EPHB2: variants seen among roughly 807,000 people sequenced by gnomAD.
EPHB2 encodes EPH receptor B2.
Under a neutral mutation model 96.4 loss-of-function variants are expected in EPHB2, and 18 were observed. That is an observed-to-expected ratio of 0.19 (90% CI 0.13 to 0.28). The LOEUF is 0.28. Among genes scored for constraint, EPHB2 ranks in the 10% least tolerant of loss-of-function variants. EPHB2 has a pLI of 1.00. For synonymous variants in EPHB2, 506 were observed against 534.1 expected, an observed-to-expected ratio of 0.95 and a Z score of 0.72; for missense variants, 989 against 1,355.4, an observed-to-expected ratio of 0.73 and a Z score of 4.25.
intron 1 of EPHB2, among the ~76,000 whole-genome samples, chr1:22,752,247 C>G (rs1197339056): frequency 6.6e-6 from 1 of 152,240 alleles, no homozygotes; most frequent in Non-Finnish European, 1.5e-5. Context: ...CCCATAATCC[C>G]AGCACTTTGG....
Position 22,912,702 on chromosome 1 carries a change from A to G in EPHB2, c.2852+103A>G. 6 of 1,563,162 alleles carry G rather than the reference A, an allele frequency of 3.8e-6. No homozygotes were observed. In the South Asian group the frequency reaches 4.5e-5, roughly 12 times the overall value. On this transcript the variant is annotated intron_variant, in intron 15 of 15. Coordinates refer to ENST00000374630, the MANE Select transcript of EPHB2 (RefSeq NM_017449.5). Reference sequence around the variant, plus strand: ...GAGGGTGAGGAATAGATCATGTCCCAATAGGGAAGCAGGGACCAAGGGGCA... The same window carrying G: ...GAGGGTGAGGAATAGATCATGTCCCGATAGGGAAGCAGGGACCAAGGGGCA...
rs2124120456 is a variant in EPHB2, at chr1:22,909,131, C to T, written c.2462C>T (p.Ser821Phe). Reference protein sequence around the residue: ...SYGIVMWEVMSYGERPYWDMT... With the variant: ...SYGIVMWEVMFYGERPYWDMT... ...GGCATTGTCATGTGGGAGGTGATGTCCTATGGGGAGCGGCCCTACTGGGAC... is the reference window on the plus strand; with the variant it reads ...GGCATTGTCATGTGGGAGGTGATGTTCTATGGGGAGCGGCCCTACTGGGAC... Residue 821 changes from serine (S) to phenylalanine (F), a missense_variant, in exon 13 of 16, where the codon TCC becomes TTC. Ser to Phe is a radical substitution (Grantham distance 155). Transcript: ENST00000374630. 6.2e-7 allele frequency: 1 copy of T among 1,614,206 alleles called. No homozygotes were observed. The highest frequency in any genetic ancestry group is 8.5e-7 in the Non-Finnish European group (1 of 1,180,034).
rs1553171703 is a variant in EPHB2 at position 22,863,034 on chromosome 1, C to T, written c.812-3C>T. On this transcript the variant is annotated splice_region_variant and splice_polypyrimidine_tract_variant and intron_variant, in intron 3 of 15. Transcript: ENST00000374630. ...TGGTGACTCTCCTTGTCTTCTCTCT[C>T]AGGTTGTCCATCTGGGACTTTCAAG... The T allele has an allele frequency of 6.2e-7, 1 of 1,614,214 alleles. No homozygotes were observed. Among genetic ancestry groups the T allele is most frequent in the Non-Finnish European group, 8.5e-7 (1 of 1,180,032 alleles).
intron 1 of EPHB2, 121 bp downstream of exon 1, chr1:22,711,164 A>T (rs1258261079): frequency 7.0e-6 from 1 of 143,542 alleles, no homozygotes; most frequent in Non-Finnish European, 1.5e-5. Flanking sequence ...CGCCGGGCGC[A>T]GGTGGCCGCG....
At position 22,882,739 on chromosome 1, in the gene EPHB2, T is replaced by G. The variant is rs1246990140; in HGVS notation, c.1428+256T>G. On this transcript the variant is annotated intron_variant, in intron 6 of 15. Coordinates refer to ENST00000374630, the MANE Select transcript of EPHB2 (RefSeq NM_017449.5). ...GATACACCCAGCAATCTCAGTGAAA[T>G]GCAACAGTCACATCCCTTTCCCTAC... 5 of 447,856 alleles carry G rather than the reference T, an allele frequency of 1.1e-5. No homozygotes were observed. In the Admixed American group the frequency reaches 1.4e-4, roughly 12 times the overall value. The allele number at this position is 447,856 out of a possible 1,614,324, so 27.7% of individuals were successfully genotyped here. A position where few individuals can be genotyped will look rare whatever the true frequency, so the allele number is the denominator to read the frequency against.
intron 1 of EPHB2, among the ~76,000 whole-genome samples, chr1:22,735,949 C>A (rs1643818273): frequency 6.6e-6 from 1 of 152,128 alleles, no homozygotes; most frequent in African/African-American, 2.4e-5. Context: ...AGAGTGTGGG[C>A]TCTGAGGGAC....
In EPHB2 at chr1:22,826,410, A is replaced by C. The variant is rs577405710; in HGVS notation, c.812-36627A>C. Among the ~76,000 whole-genome samples, 152 of 152,358 alleles carry C rather than the reference A, an allele frequency of 1.0e-3. 1 individual carries two copies. Among genetic ancestry groups the C allele is most frequent in the African/African-American group, 3.6e-3 (149 of 41,590 alleles). ...GTCCCAAATATATTCTCAGGGGCCCAGGAATTCTAGGAGAATTTAAACTTT... is the reference window on the plus strand; with the variant it reads ...GTCCCAAATATATTCTCAGGGGCCCCGGAATTCTAGGAGAATTTAAACTTT... On this transcript the variant is annotated intron_variant, in intron 3 of 15. Transcript: ENST00000374630.
At chr1:22,815,857 ACGGC>A (rs1645068504) in intron 3 of EPHB2, among the ~76,000 whole-genome samples, 1 of 152,114 alleles carries the variant, frequency 6.6e-6, no homozygotes, top group Non-Finnish European at 1.5e-5. Flanking sequence ...AGTGGAACTG[ACGGC>A]TGTCTAAGCT....
intron 3 of EPHB2, among the ~76,000 whole-genome samples, chr1:22,835,127 C>T (rs1478253349): frequency 6.6e-6 from 1 of 152,028 alleles, no homozygotes; most frequent in Non-Finnish European, 1.5e-5. Flanking sequence ...ACCTGTAGTC[C>T]CAGCACTTTG....
Position 22,784,446 on chromosome 1 carries a change from G to A in EPHB2, c.181G>A (p.Val61Met), listed in dbSNP as rs766858561. 1.9e-6 allele frequency: 3 copies of A among 1,614,204 alleles called. No homozygotes were observed. The change falls in exon 3 of 16, where the codon GTG becomes ATG. Residue 61 changes from valine (V) to methionine (M), a missense_variant. Transcript: ENST00000374630. The surrounding 1 kb of genome is among the most constrained non-coding windows in gnomAD (Gnocchi z 5.1). ...ENMNTIRTYQ[V>M]CNVFESSQNN... ...CATGAACACGATCCGCACGTACCAGGTGTGCAACGTGTTTGAGTCAAGCCA... is the reference window on the plus strand; with the variant it reads ...CATGAACACGATCCGCACGTACCAGATGTGCAACGTGTTTGAGTCAAGCCA...
intron 3 of EPHB2, among the ~76,000 whole-genome samples, chr1:22,850,511 G>A (rs1242606964): frequency 6.6e-6 from 1 of 152,216 alleles, no homozygotes; most frequent in Non-Finnish European, 1.5e-5. Context: ...GAGGGGCCTG[G>A]GCCTGGCCCT....
intron 9 of EPHB2, among the ~76,000 whole-genome samples, chr1:22,901,170 C>T (rs1639735890): frequency 6.6e-6 from 1 of 152,170 alleles, no homozygotes; most frequent in East Asian, 1.9e-4. Flanking sequence ...TAATAATAGC[C>T]AGCTCTTCTT....
chr1:22,828,761 T>C (rs1413963155), intron 3 of EPHB2, among the ~76,000 whole-genome samples: 2 of 152,222 alleles, frequency 1.3e-5, no homozygotes, highest in Non-Finnish European at 2.9e-5. Context: ...CATTTAATCA[T>C]TGAAGCACTA....
chr1:22,916,125 C>T lies in EPHB2; in HGVS notation c.*2555C>T, dbSNP rs1640261057. 1 of 152,280 alleles carries T rather than the reference C, an allele frequency of 6.6e-6. No individual in the cohort carries two copies. The highest frequency in any genetic ancestry group is 2.1e-4 in the South Asian group (1 of 4,830). 9.4% of individuals were successfully genotyped at this position (152,280 alleles called of 1,614,324 possible). ...GCCCACTGGCCTTCACTTTGTGCCC[C>T]AAAGGTGCCCTGCGCGGGTGGCAGC... On this transcript the variant is annotated 3_prime_UTR_variant, in exon 16 of 16. Transcript: ENST00000374630. This position sits in a 1 kb window ranked among gnomAD's most constrained non-coding sequence, Gnocchi z 4.2.
In EPHB2 at chr1:22,808,919, G is replaced by A. The variant is rs116126578; in HGVS notation, c.811+23843G>A. Among the ~76,000 whole-genome samples the A allele has an allele frequency of 6.3e-3, 959 of 152,288 alleles. 8 individuals carry two copies. The highest frequency in any genetic ancestry group is 0.021 in the African/African-American group (879 of 41,568). On this transcript the variant is annotated intron_variant, in intron 3 of 15. Coordinates refer to ENST00000374630, the MANE Select transcript of EPHB2 (RefSeq NM_017449.5). ...CTGTCCTCCATCGTCATGGGACCTC[G>A]TGGCCCCCAGAGCTGGCCACCCTGC...
rs1639533085 is a variant in EPHB2 at position 22,895,599 on chromosome 1, C to A, written c.1700+19C>A. 1.2e-6 allele frequency: 2 copies of A among 1,610,950 alleles called. No homozygotes were observed. Among genetic ancestry groups the A allele is most frequent in the South Asian group, 2.2e-5 (2 of 91,004 alleles). ...GTAACAGGTGGGTGGGGTCTCCAGGCTTGGCCAGGCCTGGCTGTCCCAGAT... is the reference window on the plus strand; with the variant it reads ...GTAACAGGTGGGTGGGGTCTCCAGGATTGGCCAGGCCTGGCTGTCCCAGAT... On this transcript the variant is annotated intron_variant, in intron 8 of 15. Coordinates refer to ENST00000374630, the MANE Select transcript of EPHB2 (RefSeq NM_017449.5).
intron 1 of EPHB2, among the ~76,000 whole-genome samples, chr1:22,715,287 A>T (rs1643263707): frequency 6.6e-6 from 1 of 152,192 alleles, no homozygotes; most frequent in Admixed American, 6.5e-5. Flanking sequence ...AGATGCAAGA[A>T]AGTGCTGGGG....
At chr1:22,855,779 C>T (rs769743153) in intron 3 of EPHB2, among the ~76,000 whole-genome samples, 1 of 152,164 alleles carries the variant, frequency 6.6e-6, no homozygotes, top group Non-Finnish European at 1.5e-5. Context: ...CAAATATAAT[C>T]AATATTATTA....
chr1:22,856,637 C>T (rs4654824), intron 3 of EPHB2, among the ~76,000 whole-genome samples: 52,166 of 151,980 alleles, frequency 0.34, 9,107 homozygotes, highest in East Asian at 0.45. Flanking sequence ...AGCTGTGCCA[C>T]TGACTTGCTA....
Sources: allele counts gnomAD v4.1 joint callset (sites outside exome capture counted in the v4.1 genomes callset), GRCh38; gene constraint gnomAD v4.1.1; non-coding constraint Gnocchi (gnomAD v3.1); transcripts MANE v1.5; gene names NCBI Gene and HGNC (gene_info 2026-07-23, HGNC 2026-07-21).